Variants in ARHGEF2 observed in about 807,000 individuals in gnomAD.
ARHGEF2 encodes the protein rho guanine nucleotide exchange factor 2.
Under a neutral mutation model 121.0 loss-of-function variants are expected in ARHGEF2, and 22 were observed. The ratio of observed to expected loss-of-function variants is 0.18; its 90% confidence interval spans 0.13 to 0.26. The LOEUF is 0.26. Ranked by LOEUF, ARHGEF2 falls within the 10% of genes least tolerant of loss-of-function variation. The pLI is 1.00. For synonymous variants in ARHGEF2, 487 were observed against 530.0 expected (o/e 0.92, Z 1.11); for missense variants, 907 against 1,336.0 (o/e 0.68, Z 5.01).
rs1171926278 is a variant in ARHGEF2 at position 155,965,915 on chromosome 1, TTG to T, written c.341-157_341-156del. On this transcript the variant is annotated intron_variant, in intron 4 of 21. Transcript: ENST00000361247. This position sits in a 1 kb window ranked among gnomAD's most constrained non-coding sequence, Gnocchi z 6.0. Reference sequence around the variant, plus strand: ...TGGTAATGAGAATGCCACCTTACATTTGTGCCATACTCTAATGTTCACAAAGA... The same window carrying T: ...TGGTAATGAGAATGCCACCTTACATTTGCCATACTCTAATGTTCACAAAGA... Among the ~76,000 whole-genome samples the T allele has an allele frequency of 1.3e-5, 2 of 152,164 alleles. No homozygotes were observed. Among genetic ancestry groups the T allele is most frequent in the Non-Finnish European group, 1.5e-5 (1 of 68,020 alleles).
chr1:155,966,627 G>A (rs1049725993), intron 3 of ARHGEF2, 148 bp from the exon 4 acceptor site: 39 of 1,068,860 alleles, frequency 3.6e-5, no homozygotes, highest in Non-Finnish European at 5.3e-5. Context: ...TGAGCCCAGT[G>A]CTGTGGGGAC....
At position 155,965,335 on chromosome 1, in the gene ARHGEF2, C is replaced by T. The variant is rs1679148918; in HGVS notation, c.548G>A (p.Arg183Gln). The change falls in exon 6 of 22, where the codon CGA (arginine) becomes CAA (glutamine). Residue 183 changes from arginine (R) to glutamine (Q), a missense_variant. Arg to Gln is a conservative substitution (Grantham distance 43). Transcript: ENST00000361247. The surrounding 1 kb of genome is among the most constrained non-coding windows in gnomAD (Gnocchi z 6.0). ...AATGAGGGATTCCACGGATAGGGTT[C>T]GGTTCCGCATGTTGAGGGAGTCTGT... ...QSTDSLNMRN[R>Q]TLSVESLIDE... The T allele has an allele frequency of 3.1e-6, 5 of 1,614,152 alleles. No individual in the cohort carries two copies. The highest frequency in any genetic ancestry group is 4.2e-6 in the Non-Finnish European group (5 of 1,180,018).
intron 7 of ARHGEF2, among the ~76,000 whole-genome samples, chr1:155,964,163 A>G (rs369672037): frequency 1.2e-5 from 1 of 85,504 alleles, no homozygotes; most frequent in East Asian, 3.2e-4. Flanking sequence ...AAAAAAAAAA[A>G]AAAAATATAT....
Position 155,962,321 on chromosome 1 carries a change from A to T in ARHGEF2, c.1102-99T>A, listed in dbSNP as rs1678129163. On this transcript the variant is annotated intron_variant, in intron 9 of 21. Coordinates refer to ENST00000361247, the MANE Select transcript of ARHGEF2 (RefSeq NM_001162383.2). The surrounding 1 kb of genome is among the most constrained non-coding windows in gnomAD (Gnocchi z 5.8). ...TGGCCCTGGCGTGGCCATTTACCTC[A>T]TGCTTGCCTAGGTGACATATCTGGA... The T allele has an allele frequency of 1.6e-6, 2 of 1,251,406 alleles. No individual in the cohort carries two copies. The highest frequency in any genetic ancestry group is 1.3e-5 in the South Asian group (1 of 75,766). The allele number at this position is 1,251,406 out of a possible 1,614,324, so 77.5% of individuals were successfully genotyped here.
chr1:155,969,351 G>T, intron 1 of ARHGEF2, 51 bp from the exon 2 acceptor site: 1 of 1,607,958 alleles, frequency 6.2e-7, no homozygotes, highest in Non-Finnish European at 8.5e-7. Context: ...ATGCCAGGGT[G>T]CCTGGAGTCC....
In ARHGEF2 at chr1:155,965,496, G is replaced by A; in HGVS notation, c.471-84C>T. 1 of 1,600,522 alleles carries A rather than the reference G, an allele frequency of 6.2e-7. No individual in the cohort carries two copies. Among genetic ancestry groups the A allele is most frequent in the Non-Finnish European group, 8.6e-7 (1 of 1,168,512 alleles). Reference sequence around the variant, plus strand: ...GTAGGGAACCAAAGCCAGGATCCAAGAGGCGGTCCCCCTAAGTTCTCCTTA... The same window carrying A: ...GTAGGGAACCAAAGCCAGGATCCAAAAGGCGGTCCCCCTAAGTTCTCCTTA... On this transcript the variant is annotated intron_variant, in intron 5 of 21. Transcript: ENST00000361247. The surrounding 1 kb of genome is among the most constrained non-coding windows in gnomAD (Gnocchi z 6.0).
In ARHGEF2 at chr1:155,954,613, A is replaced by G. The variant is rs531675472; in HGVS notation, c.1783+289T>C. Reference sequence around the variant, plus strand: ...AATCTACTTCCTTTTTTAAGGAAGAAGATTTTTGTGGTCTTTTAGTATAGC... The same window carrying G: ...AATCTACTTCCTTTTTTAAGGAAGAGGATTTTTGTGGTCTTTTAGTATAGC... On this transcript the variant is annotated intron_variant, in intron 14 of 21. Coordinates refer to ENST00000361247, the MANE Select transcript of ARHGEF2 (RefSeq NM_001162383.2). Among the ~76,000 whole-genome samples the G allele has an allele frequency of 2.2e-3, 93 of 42,270 alleles. 3 individuals carry two copies. The South Asian group carries it at 0.08, about 37-fold the overall frequency. The allele number at this position is 42,270 out of a possible 152,430, so 27.7% of individuals were successfully genotyped here. A position where few individuals can be genotyped will look rare whatever the true frequency, so the allele number is the denominator to read the frequency against.
intron 1 of ARHGEF2, among the ~76,000 whole-genome samples, chr1:155,975,121 G>A (rs1681095761): frequency 6.6e-6 from 1 of 152,102 alleles, no homozygotes; most frequent in South Asian, 2.1e-4. Flanking sequence ...ACCAGAAACT[G>A]AAGCTAAGGA....
chr1:155,955,697 T>G (rs1676509325), intron 13 of ARHGEF2, among the ~76,000 whole-genome samples: 1 of 152,148 alleles, frequency 6.6e-6, no homozygotes, highest in Non-Finnish European at 1.5e-5. Context: ...CAATTACAAT[T>G]AATATTATTA....
chr1:155,978,326 C>T lies in ARHGEF2; in HGVS notation c.63+39G>A, dbSNP rs1308692462. 2 of 1,479,312 alleles carry T rather than the reference C, an allele frequency of 1.4e-6. No individual in the cohort carries two copies. The highest frequency in any genetic ancestry group is 1.4e-5 in the African/African-American group (1 of 70,412). 91.6% of individuals were successfully genotyped at this position (1,479,312 alleles called of 1,614,324 possible). Reference sequence around the variant, plus strand: ...CGGGTGCCGGGGTTCGGGGAGCACCCGAGGACCGCGGCGAAAGGAGAGGGG... The same window carrying T: ...CGGGTGCCGGGGTTCGGGGAGCACCTGAGGACCGCGGCGAAAGGAGAGGGG... On this transcript the variant is annotated intron_variant, in intron 1 of 21. Transcript: ENST00000361247. This position sits in a 1 kb window ranked among gnomAD's most constrained non-coding sequence, Gnocchi z 4.1.
Position 155,951,945 on chromosome 1 carries a change from T to C in ARHGEF2, c.2146A>G (p.Arg716Gly). 1 of 1,614,108 alleles carries C rather than the reference T, an allele frequency of 6.2e-7. No homozygotes were observed. The highest frequency in any genetic ancestry group is 1.1e-5 in the South Asian group (1 of 91,080). Residue 716 changes from arginine (R) to glycine (G), a missense_variant, in exon 17 of 22, where the codon AGA becomes GGA. Coordinates refer to ENST00000361247, the MANE Select transcript of ARHGEF2 (RefSeq NM_001162383.2). This position sits in a 1 kb window ranked among gnomAD's most constrained non-coding sequence, Gnocchi z 5.1. The stretch of plus-strand genomic sequence containing the variant: ...CTCTGGCTAGAGTCTGAGTCAGCTC[T>C]GCAGAGTTCAATGGAGCCATTGAAG... ...RTFNGSIELCRADSDSSQRDR... is the reference protein window; with the variant it reads ...RTFNGSIELCGADSDSSQRDR...
chr1:155,959,215 C>T (rs887958678), intron 11 of ARHGEF2, among the ~76,000 whole-genome samples: 3 of 151,968 alleles, frequency 2.0e-5, no homozygotes, highest in Admixed American at 6.6e-5. Flanking sequence ...AGGGACCATA[C>T]TTTTATTTTT....
chr1:155,964,167 A>T (rs377500936), intron 7 of ARHGEF2, among the ~76,000 whole-genome samples: 79,289 of 91,448 alleles, frequency 0.87, 34,389 homozygotes, highest in Admixed American at 0.92. Flanking sequence ...AAAAAAAAAA[A>T]ATATATATAT....
intron 14 of ARHGEF2, among the ~76,000 whole-genome samples, chr1:155,953,812 C>T (rs1037331584): frequency 2.0e-5 from 3 of 151,808 alleles, no homozygotes; most frequent in Non-Finnish European, 2.9e-5. Flanking sequence ...TTCCTTTACT[C>T]CTCCTTGCTA....
intron 7 of ARHGEF2, 57 bp from the exon 8 acceptor site, chr1:155,963,240 G>A: frequency 1.3e-6 from 2 of 1,578,102 alleles, no homozygotes; most frequent in Non-Finnish European, 1.7e-6. Flanking sequence ...AACTCGTGGG[G>A]CCCTAGGATA....
At chr1:155,960,481 A>AG (rs1318859410) in intron 11 of ARHGEF2, among the ~76,000 whole-genome samples, 4 of 115,666 alleles carry the variant, frequency 3.5e-5, no homozygotes, top group South Asian at 2.9e-4. Context: ...AAAAAAAAAA[A>AG]AAGAGAGAGA....
At chr1:155,967,301 G>A (rs73004913) in intron 2 of ARHGEF2, among the ~76,000 whole-genome samples, 222 of 152,236 alleles carry the variant, frequency 1.5e-3, no homozygotes, top group African/African-American at 5.2e-3. Flanking sequence ...TAGGGGCAGA[G>A]GGGAAATTTA....
rs755202759 is a variant in ARHGEF2 at position 155,961,948 on chromosome 1, T to C, written c.1220-39A>G. On this transcript the variant is annotated intron_variant, in intron 10 of 21. Coordinates refer to ENST00000361247, the MANE Select transcript of ARHGEF2 (RefSeq NM_001162383.2). This position sits in a 1 kb window ranked among gnomAD's most constrained non-coding sequence, Gnocchi z 4.7. Reference sequence around the variant, plus strand: ...TTGGCATGGGGAACGGCTCAACCAGTTTCACTCACACCCCAGTTCCCATCG... The same window carrying C: ...TTGGCATGGGGAACGGCTCAACCAGCTTCACTCACACCCCAGTTCCCATCG... The C allele has an allele frequency of 6.2e-7, 1 of 1,611,668 alleles. No homozygotes were observed. Among genetic ancestry groups the C allele is most frequent in the Non-Finnish European group, 8.5e-7 (1 of 1,178,430 alleles).
intron 14 of ARHGEF2, among the ~76,000 whole-genome samples, chr1:155,953,185 A>G (rs1299033832): frequency 1.3e-5 from 2 of 151,558 alleles, no homozygotes; most frequent in Non-Finnish European, 2.9e-5. Context: ...GAATCGCTTG[A>G]ACCCAGGAGG....
Sources: gnomAD v4.1 joint callset for allele counts (sites outside exome capture counted in the v4.1 genomes callset) on GRCh38, gnomAD v4.1.1 for gene constraint, Gnocchi (gnomAD v3.1) non-coding constraint, MANE v1.5 for transcripts, NCBI Gene and HGNC (gene_info 2026-07-23, HGNC 2026-07-21) for gene names.